PCDHA11: variants seen among roughly 807,000 people sequenced by gnomAD.
PCDHA11 encodes the protein protocadherin alpha-11.
Under a neutral mutation model 70.3 loss-of-function variants are expected in PCDHA11, and 61 were observed. The observed-to-expected ratio is 0.87, with a 90% CI of 0.71 to 1.07. The LOEUF is 1.07. Ranked by LOEUF, PCDHA11 falls within the 50% of genes least tolerant of loss-of-function variation. The pLI is 0.00. For missense variants in PCDHA11, 1,324 were observed against 1,237.5 expected (o/e 1.07, Z -1.05); for synonymous variants, 633 against 555.1 (o/e 1.14, Z -1.97).
At chr5:141,001,314 T>A (rs34374778) in intron 3 of PCDHA11, among the ~76,000 whole-genome samples, 7,675 of 152,288 alleles carry the variant, frequency 0.05, 243 homozygotes, top group South Asian at 0.11. Flanking sequence ...TGAAATAATT[T>A]GCCAAACATC....
chr5:140,877,063 C>T (rs782051698), intron 1 of PCDHA11: 21 of 1,612,898 alleles, frequency 1.3e-5, no homozygotes, highest in East Asian at 2.2e-5. Context: ...GCTGGAGCTG[C>T]TGCAGTTCCA....
At chr5:140,873,770 C>T (rs1316613523) in intron 1 of PCDHA11, among the ~76,000 whole-genome samples, 1 of 151,400 alleles carries the variant, frequency 6.6e-6, no homozygotes, top group Non-Finnish European at 1.5e-5. Context: ...AAGCAATTCT[C>T]CTGCCTCAGC....
Position 140,869,089 on chromosome 5 carries a change from C to G in PCDHA11, c.-15C>G. 6.3e-7 allele frequency: 1 copy of G among 1,588,998 alleles called. No homozygotes were observed. The highest frequency in any genetic ancestry group is 8.6e-7 in the Non-Finnish European group (1 of 1,167,416). Reference sequence around the variant, plus strand: ...AGTGTAAAGAAGCTTATTTTGGAAGCCAATTTCGTATGCGATGTTTGGTTT... The same window carrying G: ...AGTGTAAAGAAGCTTATTTTGGAAGGCAATTTCGTATGCGATGTTTGGTTT... On this transcript the variant is annotated 5_prime_UTR_variant, in exon 1 of 4. Coordinates refer to ENST00000398640, the MANE Select transcript of PCDHA11 (RefSeq NM_018902.5).
chr5:140,871,493 A>C lies in PCDHA11; in HGVS notation c.2390A>C (p.Gln797Pro), dbSNP rs968230550. 1.9e-6 allele frequency: 3 copies of C among 1,588,916 alleles called. No individual in the cohort carries two copies. In the African/African-American group the frequency reaches 4.0e-5, roughly 21 times the overall value. Residue 797 changes from glutamine (Q) to proline (P), a missense_variant and splice_region_variant, in exon 1 of 4, where the codon CAG (glutamine) becomes CCG (proline). By Grantham distance (76) the Gln-to-Pro change is moderately conservative. Coordinates refer to ENST00000398640, the MANE Select transcript of PCDHA11 (RefSeq NM_018902.5). Reference sequence around the variant, plus strand: ...GAGCCAGGGTCAAATCACCCCGGACAGGTGAGTTTTCTACAGATTCCACCT... The same window carrying C: ...GAGCCAGGGTCAAATCACCCCGGACCGGTGAGTTTTCTACAGATTCCACCT... ...RQEPGSNHPG[Q>P]PRQPNPDWRY...
At chr5:140,974,690 T>G (rs2096636717) in intron 1 of PCDHA11, among the ~76,000 whole-genome samples, 4 of 152,236 alleles carry the variant, frequency 2.6e-5, no homozygotes, top group Admixed American at 2.6e-4. Context: ...TTTGTATTTT[T>G]GGGTTTCACC....
intron 1 of PCDHA11, chr5:140,875,805 C>A: frequency 6.2e-7 from 1 of 1,614,172 alleles, no homozygotes; most frequent in Non-Finnish European, 8.5e-7. Context: ...TGATCGTGGA[C>A]AGGCCGCTGC....
chr5:140,960,428 A>T (rs1317168418), intron 1 of PCDHA11, among the ~76,000 whole-genome samples: 3 of 152,178 alleles, frequency 2.0e-5, no homozygotes, highest in Non-Finnish European at 4.4e-5. Context: ...CAATTACTTG[A>T]TACTCTAGAT....
intron 1 of PCDHA11, among the ~76,000 whole-genome samples, chr5:140,936,885 T>C (rs1490428437): frequency 6.6e-6 from 1 of 152,238 alleles, no homozygotes; most frequent in Non-Finnish European, 1.5e-5. Context: ...CCTGCTTTGA[T>C]TTTAATTGGC....
chr5:140,935,447 A>G (rs542363713), intron 1 of PCDHA11, among the ~76,000 whole-genome samples: 1 of 152,364 alleles, frequency 6.6e-6, no homozygotes, highest in South Asian at 2.1e-4. Flanking sequence ...AAATAATATG[A>G]TACTGTAGCA....
At chr5:140,927,891 GA>G (rs1554205193) in intron 1 of PCDHA11, 1 of 1,614,192 alleles carries the variant, frequency 6.2e-7, no homozygotes, top group Admixed American at 1.7e-5. Context: ...TGACTGACGT[GA>G]ACGATCATGC....
chr5:140,922,272 G>A (rs547313117), intron 1 of PCDHA11, among the ~76,000 whole-genome samples: 37 of 152,312 alleles, frequency 2.4e-4, no homozygotes, highest in African/African-American at 8.7e-4. Flanking sequence ...ATGAAGATTG[G>A]ACCAAGATAT....
intron 3 of PCDHA11, chr5:140,988,966 GGA>G (rs1339632887): frequency 2.0e-5 from 3 of 152,162 alleles, no homozygotes; most frequent in African/African-American, 7.2e-5. Flanking sequence ...GCCCCACGAT[GGA>G]GAGAAGCAGG....
intron 1 of PCDHA11, chr5:140,875,776 T>G: frequency 6.2e-7 from 1 of 1,613,910 alleles, no homozygotes; most frequent in Non-Finnish European, 8.5e-7. Context: ...GAGCGCGGAG[T>G]GCAGTATCCA....
intron 1 of PCDHA11, chr5:140,875,904 A>G: frequency 1.9e-6 from 3 of 1,614,194 alleles, no homozygotes; most frequent in Non-Finnish European, 2.5e-6. Context: ...CTGTTTCTGA[A>G]TCTGCGCCTC....
intron 1 of PCDHA11, among the ~76,000 whole-genome samples, chr5:140,912,961 G>C (rs1370850871): frequency 6.6e-6 from 1 of 151,844 alleles, no homozygotes; most frequent in African/African-American, 2.4e-5. Context: ...ATCCCACTTG[G>C]TCTTTTAACT....
chr5:140,918,238 T>A (rs1486197237), intron 1 of PCDHA11, among the ~76,000 whole-genome samples: 3 of 152,176 alleles, frequency 2.0e-5, no homozygotes, highest in African/African-American at 7.2e-5. Context: ...GTACATTGAT[T>A]TTGTATGCTG....
chr5:140,869,690 T>A lies in PCDHA11; in HGVS notation c.587T>A (p.Leu196Ter), dbSNP rs902099652. The A allele has an allele frequency of 6.2e-7, 1 of 1,613,456 alleles. No homozygotes were observed. The change falls in exon 1 of 4, where the codon TTA becomes TAA. Residue 196 changes from leucine to a stop codon, truncating the protein, a stop_gained. Transcript: ENST00000398640. LOFTEE classifies it high-confidence loss of function. ...GKQIKRLSLILKKSLDREKTP... is the reference protein window; with the variant it reads ...GKQIKRLSLI ...CAGATTAAAAGACTGTCACTTATTTTAAAGAAGTCTCTGGATAGAGAGAAA... is the reference window on the plus strand; with the variant it reads ...CAGATTAAAAGACTGTCACTTATTTAAAAGAAGTCTCTGGATAGAGAGAAA...
intron 1 of PCDHA11, chr5:140,928,070 A>G (rs1408962097): frequency 1.9e-6 from 3 of 1,614,058 alleles, no homozygotes; most frequent in East Asian, 4.5e-5. Flanking sequence ...TCCTTTGACA[A>G]CTACTACAGC....
chr5:140,915,785 A>T (rs188846929), intron 1 of PCDHA11, among the ~76,000 whole-genome samples: 14 of 152,134 alleles, frequency 9.2e-5, no homozygotes, highest in Admixed American at 7.2e-4. Flanking sequence ...TGCTGTAACC[A>T]CTACCTGACT....
Sources: allele counts gnomAD v4.1 joint callset (sites outside exome capture counted in the v4.1 genomes callset), GRCh38; gene constraint gnomAD v4.1.1; transcripts MANE v1.5; gene names NCBI Gene and HGNC (gene_info 2026-07-23, HGNC 2026-07-21).